Variants in BCORL1 observed in about 807,000 individuals in gnomAD.
BCORL1 encodes the protein BCL6 corepressor like 1.
Under a neutral mutation model 87.6 loss-of-function variants are expected in BCORL1, and 7 were observed. The ratio of observed to expected loss-of-function variants is 0.08; its 90% confidence interval spans 0.05 to 0.15. The LOEUF (loss-of-function observed/expected upper bound fraction) is 0.15, where lower values mean the gene tolerates loss of function less well. Among genes scored for constraint, BCORL1 ranks in the 10% least tolerant of loss-of-function variants. BCORL1 has a pLI of 1.00. For synonymous variants in BCORL1, 591 were observed against 634.4 expected (o/e 0.93, Z 1.03); for missense variants, 1,215 against 1,499.7 (o/e 0.81, Z 3.13).
At chrX:129,991,032 T>A (rs763886829) in intron 1 of BCORL1, among the ~76,000 whole-genome samples, 2 of 111,943 alleles carry the variant, frequency 1.8e-5, no homozygotes, top group South Asian at 7.5e-4. Context: ...GCCTCCTGGG[T>A]TCAAGCGATT....
intron 1 of BCORL1, among the ~76,000 whole-genome samples, chrX:130,001,065 C>T (rs1928009575): frequency 9.0e-6 from 1 of 110,865 alleles, no homozygotes; most frequent in Non-Finnish European, 1.9e-5. Context: ...GAAACAAAGA[C>T]AAAAAAGGAT....
chrX:130,051,920 A>G lies in BCORL1; in HGVS notation c.4979A>G (p.Glu1660Gly). 8.3e-7 allele frequency: 1 copy of G among 1,208,720 alleles called. No individual in the cohort carries two copies. The highest frequency in any genetic ancestry group is 1.1e-6 in the Non-Finnish European group (1 of 893,251). ...LHNPPGSSDQ[E>G]GDDPMEEDDF... ...AATCCTCCTGGGAGCTCAGATCAAG[A>G]AGGAGACGATCCGATGGAGGAGGAT... Residue 1660 changes from glutamate to glycine, a missense_variant, in exon 13 of 14, where the codon GAA (glutamate) becomes GGA (glycine). Glu to Gly is a moderately conservative substitution (Grantham distance 98). Around this residue, in one of 5 missense-constraint regions of BCORL1, gnomAD observed 129 missense variants for 157.5 expected, o/e 0.82. Transcript: ENST00000540052.
At chrX:130,040,385 G>A (rs1055404612) in intron 11 of BCORL1, among the ~76,000 whole-genome samples, 3 of 112,356 alleles carry the variant, frequency 2.7e-5, no homozygotes, top group Non-Finnish European at 1.9e-5. Flanking sequence ...CTAACTAAAG[G>A]CTCTTATGGA....
At chrX:130,029,402 G>C (rs781380504) in intron 8 of BCORL1, among the ~76,000 whole-genome samples, 13 of 111,026 alleles carry the variant, frequency 1.2e-4, no homozygotes, top group Non-Finnish European at 2.5e-4. Context: ...TCAACAGCCA[G>C]GCAAGCATTC....
At chrX:129,984,187 C>CGCCGCT (rs1810219848) in intron 1 of BCORL1, among the ~76,000 whole-genome samples, 2 of 103,477 alleles carry the variant, frequency 1.9e-5, no homozygotes, top group Non-Finnish European at 4.0e-5. Flanking sequence ...CTGCCGCCGC[C>CGCCGCT]GCCGCTGCTG....
rs73633943 is a variant in BCORL1 at position 130,053,559 on chromosome X, G to T, written c.5075+1543G>T. ...TCTGCATTAGGTGCAGACAGAACACGGGCCACGGAGGGCTGCGTGCCCCTC... is the reference window on the plus strand; with the variant it reads ...TCTGCATTAGGTGCAGACAGAACACTGGCCACGGAGGGCTGCGTGCCCCTC... On this transcript the variant is annotated intron_variant, in intron 13 of 13. Coordinates refer to ENST00000540052, the MANE Select transcript of BCORL1 (RefSeq NM_001379451.1). Among the ~76,000 whole-genome samples, 1,106 of 111,984 alleles carry T rather than the reference G, an allele frequency of 9.9e-3. 10 individuals carry two copies. The highest frequency in any genetic ancestry group is 0.034 in the African/African-American group (1,060 of 30,855).
rs1294884267 is a variant in BCORL1, at chrX:130,014,202, C to G, written c.1430C>G (p.Thr477Arg). 1.7e-6 allele frequency: 2 copies of G among 1,208,495 alleles called. No individual in the cohort carries two copies. Among genetic ancestry groups the G allele is most frequent in the Admixed American group, 2.2e-5 (1 of 45,672 alleles). The change falls in exon 4 of 14, where the codon ACG (threonine) becomes AGG (arginine). Residue 477 changes from threonine to arginine, a missense_variant. Coordinates refer to ENST00000540052, the MANE Select transcript of BCORL1 (RefSeq NM_001379451.1). ...ACTCTAGGGGTTTCCTCCACTCTTA[C>G]GCTCCCTGTCCTGCCGTCCTACCTG... ...PTTLGVSSTLTLPVLPSYLQD... is the reference protein window; with the variant it reads ...PTTLGVSSTLRLPVLPSYLQD...
rs777784650 is a variant in BCORL1, at chrX:130,015,412, C to T, written c.2640C>T (p.Ala880=). Reference sequence around the variant, plus strand: ...TGCCATCTCTCAGCTCCAGCGAAGCCGTGCACGGACTTCCTGAGGGGCAAC... The same window carrying T: ...TGCCATCTCTCAGCTCCAGCGAAGCTGTGCACGGACTTCCTGAGGGGCAAC... ...SGVPSLSSSE[A]VHGLPEGQPR... The change falls in exon 4 of 14, where the codon GCC becomes GCT. Residue 880 remains alanine, a synonymous_variant. Transcript: ENST00000540052. The T allele has an allele frequency of 7.8e-5, 94 of 1,211,011 alleles. No homozygotes were observed. Among genetic ancestry groups the T allele is most frequent in the Middle Eastern group, 2.3e-4 (1 of 4,375 alleles).
At chrX:129,987,317 G>A (rs1316060051) in intron 1 of BCORL1, among the ~76,000 whole-genome samples, 3 of 111,690 alleles carry the variant, frequency 2.7e-5, no homozygotes, top group Non-Finnish European at 5.6e-5. Flanking sequence ...AATGCAGAAT[G>A]TGAGAGAAAA....
chrX:130,009,378 C>T (rs1024685595), intron 2 of BCORL1, among the ~76,000 whole-genome samples: 1 of 107,952 alleles, frequency 9.3e-6, no homozygotes, highest in African/African-American at 3.4e-5. Context: ...GGCGTGAGCC[C>T]GGGAGGCAGA....
chrX:130,009,217 C>A (rs1291479945), intron 2 of BCORL1, among the ~76,000 whole-genome samples: 1 of 111,337 alleles, frequency 9.0e-6, no homozygotes, highest in African/African-American at 3.3e-5. Context: ...ATAATCCCAG[C>A]ACTTTGGGAG....
At chrX:130,051,788 G>T (rs1423931401) in intron 12 of BCORL1, 72 bp from the exon 13 acceptor site, 6 of 1,018,445 alleles carry the variant, frequency 5.9e-6, no homozygotes, top group Non-Finnish European at 7.9e-6. Flanking sequence ...CCCTTTATCT[G>T]CTTAGCGCAT....
intron 1 of BCORL1, among the ~76,000 whole-genome samples, chrX:129,995,908 GC>G (rs748443316): frequency 1.8e-4 from 20 of 111,824 alleles, no homozygotes; most frequent in Non-Finnish European, 3.6e-4. Flanking sequence ...CACATCTAAA[GC>G]CGGGTAAAGT....
chrX:129,981,925 T>TGGG (rs56407321), upstream of BCORL1: 3 of 23,537 alleles, frequency 1.3e-4, no homozygotes, highest in Non-Finnish European at 7.3e-5. Flanking sequence ...GCGACGACGG[T>TGGG]GGGGGGGGGA....
At chrX:129,980,728 T>C (rs1926039621), upstream of BCORL1, among the ~76,000 whole-genome samples, 1 of 79,316 alleles carries the variant, frequency 1.3e-5, no homozygotes. Context: ...CCGAGTTGGG[T>C]GGCGAAGTAG....
intron 5 of BCORL1, 161 bp downstream of exon 5, chrX:130,021,311 T>C: frequency 1.3e-6 from 1 of 753,390 alleles, no homozygotes; most frequent in Non-Finnish European, 1.6e-6. Context: ...AAGTCTAAGG[T>C]GAGCGAGCAA....
intron 8 of BCORL1, among the ~76,000 whole-genome samples, chrX:130,031,739 G>A (rs747927456): frequency 3.3e-4 from 37 of 111,743 alleles, no homozygotes; most frequent in African/African-American, 1.0e-3. Flanking sequence ...AGCCAAGATC[G>A]TGTCACTGCA....
intron 11 of BCORL1, among the ~76,000 whole-genome samples, chrX:130,041,107 A>G (rs1222420907): frequency 9.1e-6 from 1 of 110,430 alleles, no homozygotes; most frequent in African/African-American, 3.3e-5. Flanking sequence ...GCAGTGGCTT[A>G]TGCCTGTGAT....
intron 1 of BCORL1, among the ~76,000 whole-genome samples, chrX:129,991,729 C>T (rs1297710606): frequency 1.1e-5 from 1 of 91,655 alleles, no homozygotes; most frequent in Non-Finnish European, 2.1e-5. Flanking sequence ...GCGATCTCGG[C>T]TCACTGCAAC....
Sources: allele counts gnomAD v4.1 joint callset (sites outside exome capture counted in the v4.1 genomes callset), GRCh38; gene constraint gnomAD v4.1.1; regional missense constraint gnomAD v4.1.1; transcripts MANE v1.5; gene names NCBI Gene and HGNC (gene_info 2026-07-23, HGNC 2026-07-21).